The following MAPK8IP3 variants were observed in gnomAD, a reference collection of about 807,000 sequenced individuals.
MAPK8IP3 encodes C-Jun-amino-terminal kinase-interacting protein 3.
Under a neutral mutation model 157.8 loss-of-function variants are expected in MAPK8IP3, and 49 were observed. The ratio of observed to expected loss-of-function variants is 0.31; its 90% CI spans 0.25 to 0.39. The LOEUF is 0.39. Ranked by LOEUF, MAPK8IP3 falls within the 10% of genes least tolerant of loss-of-function variation. The pLI is 1.00. For missense variants in MAPK8IP3, 1,478 were observed against 1,889.4 expected (o/e 0.78, Z 4.04); for synonymous variants, 897 against 777.7 (o/e 1.15, Z -2.55).
chr16:1,747,329 G>A lies in MAPK8IP3; in HGVS notation c.994+54G>A, dbSNP rs1056952029. On this transcript the variant is annotated intron_variant, in intron 6 of 31. Coordinates refer to ENST00000610761, the MANE Select transcript of MAPK8IP3 (RefSeq NM_001318852.2). ...TCCCTCGGGCAGGAGGCAGGGCTTG[G>A]TTTGGGTAGATGTGAAACTAATGCA... 6.9e-6 allele frequency: 11 copies of A among 1,590,742 alleles called. No individual in the cohort carries two copies. In the African/African-American group the frequency reaches 1.5e-4, roughly 21 times the overall value.
chr16:1,766,226 T>A lies in MAPK8IP3; in HGVS notation c.2636T>A (p.Val879Glu), dbSNP rs895550678. The A allele has an allele frequency of 6.2e-7, 1 of 1,607,878 alleles. No individual in the cohort carries two copies. The highest frequency in any genetic ancestry group is 2.2e-5 in the East Asian group (1 of 44,738). The change falls in exon 22 of 32, where the codon GTG becomes GAG. Residue 879 changes from valine (V) to glutamate (E), a missense_variant. Val to Glu is a moderately radical substitution (Grantham distance 121). Coordinates refer to ENST00000610761, the MANE Select transcript of MAPK8IP3 (RefSeq NM_001318852.2). The part of the protein sequence containing the change: ...TPVLDKGQGE[V>E]ATIANGKVNP... Reference sequence around the variant, plus strand: ...CTCACCTCTCCTAACACAGGGGAGGTGGCCACCATCGCCAACGGGAAGGTC... The same window carrying A: ...CTCACCTCTCCTAACACAGGGGAGGAGGCCACCATCGCCAACGGGAAGGTC...
Position 1,723,712 on chromosome 16 carries a change from C to G in MAPK8IP3, c.319-845C>G, listed in dbSNP as rs575990598. Among the ~76,000 whole-genome samples, 11 of 152,302 alleles carry G rather than the reference C, an allele frequency of 7.2e-5. No individual in the cohort carries two copies. The South Asian group carries it at 2.1e-3, about 29-fold the overall frequency. On this transcript the variant is annotated intron_variant, in intron 1 of 31. Coordinates refer to ENST00000610761, the MANE Select transcript of MAPK8IP3 (RefSeq NM_001318852.2). ...TGATAATATTCCCCAGTTTTCTACTCTGTAAAAATGAGGTGTTAACAGCTC... is the reference window on the plus strand; with the variant it reads ...TGATAATATTCCCCAGTTTTCTACTGTGTAAAAATGAGGTGTTAACAGCTC...
rs1027549646 is a variant in MAPK8IP3, at chr16:1,742,966, C to CA, written c.603-357dup. ...TGAAACCCCGTCTCTACTAAAAATACAAAAAAAAATTAGCCAGGCGTGGGA... is the reference window on the plus strand; with the variant it reads ...TGAAACCCCGTCTCTACTAAAAATACAAAAAAAAAATTAGCCAGGCGTGGGA... On this transcript the variant is annotated intron_variant, in intron 4 of 31. Transcript: ENST00000610761. This position sits in a 1 kb window ranked among gnomAD's most constrained non-coding sequence, Gnocchi z 5.0. Among the ~76,000 whole-genome samples, 10 of 150,884 alleles carry CA rather than the reference C, an allele frequency of 6.6e-5. No individual in the cohort carries two copies. Among genetic ancestry groups the CA allele is most frequent in the Non-Finnish European group, 1.2e-4 (8 of 67,610 alleles).
intron 19 of MAPK8IP3, 55 bp from the exon 20 acceptor site, chr16:1,764,958 G>A (rs1192568343): frequency 1.3e-6 from 2 of 1,553,374 alleles, no homozygotes; most frequent in Non-Finnish European, 8.8e-7. Context: ...GCCCTGTGCT[G>A]CCACCGGGTA....
At chr16:1,763,587 G>A in intron 16 of MAPK8IP3, 70 bp from the exon 17 acceptor site, 1 of 1,413,864 alleles carries the variant, frequency 7.1e-7, no homozygotes. Context: ...ACCTCCCCCA[G>A]GACAAGCCTG....
rs1228553993 is a variant in MAPK8IP3, at chr16:1,767,552, A to G, written c.3238-12A>G. On this transcript the variant is annotated splice_polypyrimidine_tract_variant and intron_variant, in intron 26 of 31. Coordinates refer to ENST00000610761, the MANE Select transcript of MAPK8IP3 (RefSeq NM_001318852.2). Reference sequence around the variant, plus strand: ...TCCCCAGCCCTGTTGATGGGCAGCCATGACTCCACAGAAGTCATTTGACGC... The same window carrying G: ...TCCCCAGCCCTGTTGATGGGCAGCCGTGACTCCACAGAAGTCATTTGACGC... The G allele has an allele frequency of 6.2e-7, 1 of 1,608,832 alleles. No homozygotes were observed. The highest frequency in any genetic ancestry group is 8.5e-7 in the Non-Finnish European group (1 of 1,177,654).
At chr16:1,738,118 G>A (rs1261809289) in intron 4 of MAPK8IP3, among the ~76,000 whole-genome samples, 1 of 99,568 alleles carries the variant, frequency 1.0e-5, no homozygotes, top group African/African-American at 4.6e-5. Flanking sequence ...GACCGTCCGT[G>A]TGAGCGTGAC....
In MAPK8IP3 at chr16:1,706,287, G is replaced by C. The variant is rs1215483396; in HGVS notation, c.-53G>C. ...TGCGGAACCTGAGGCAGCTGGGGAG[G>C]GCCGGGCGCGCCGGCCGGATAGCGA... On this transcript the variant is annotated 5_prime_UTR_variant, in exon 1 of 32. Coordinates refer to ENST00000610761, the MANE Select transcript of MAPK8IP3 (RefSeq NM_001318852.2). The surrounding 1 kb of genome is among the most constrained non-coding windows in gnomAD (Gnocchi z 5.1). The C allele has an allele frequency of 4.9e-5, 73 of 1,475,688 alleles. No individual in the cohort carries two copies. The highest frequency in any genetic ancestry group is 6.6e-5 in the Non-Finnish European group (73 of 1,112,460). 91.4% of individuals were successfully genotyped at this position (1,475,688 alleles called of 1,614,324 possible).
At chr16:1,746,411 T>C (rs2040964455) in intron 5 of MAPK8IP3, 1 of 152,254 alleles carries the variant, frequency 6.6e-6, no homozygotes, top group African/African-American at 2.4e-5. Flanking sequence ...CTTGGTGGCG[T>C]CCCTTTCTGT....
chr16:1,737,476 G>A (rs530927105), intron 4 of MAPK8IP3, among the ~76,000 whole-genome samples: 10 of 94,844 alleles, frequency 1.1e-4, no homozygotes, highest in Middle Eastern at 7.8e-3. Flanking sequence ...GTGAGCATCT[G>A]TGTGACCGTC....
rs368054862 is a variant in MAPK8IP3 at position 1,768,818 on chromosome 16, C to T, written c.4008C>T (p.Pro1336=). 41 of 1,612,118 alleles carry T rather than the reference C, an allele frequency of 2.5e-5. No individual in the cohort carries two copies. Among genetic ancestry groups the T allele is most frequent in the African/African-American group, 9.3e-5 (7 of 74,902 alleles). Residue 1336 remains proline, a synonymous_variant, in exon 32 of 32, where the codon CCC becomes CCT. Coordinates refer to ENST00000610761, the MANE Select transcript of MAPK8IP3 (RefSeq NM_001318852.2). Reference sequence around the variant, plus strand: ...TCGTGTGGCAGGTGTCCTACACCCCCGAGTGAAGCTGCTGCCCTGCCTGGC... The same window carrying T: ...TCGTGTGGCAGGTGTCCTACACCCCTGAGTGAAGCTGCTGCCCTGCCTGGC... The part of the protein sequence containing the change: ...HIIVWQVSYT[P]E
intron 1 of MAPK8IP3, chr16:1,707,414 A>C (rs977223657): frequency 6.6e-6 from 1 of 152,284 alleles, no homozygotes; most frequent in Non-Finnish European, 1.5e-5. Flanking sequence ...TGATGTAGCC[A>C]GGGCTGAGAA....
In MAPK8IP3 at chr16:1,751,310, T is replaced by G. The variant is rs1294182452; in HGVS notation, c.1216+2590T>G. Reference sequence around the variant, plus strand: ...TCTCTACTAAAAATACAAAAAGAAATTAGCTGGGCCTGGTGGCGGGCACCT... The same window carrying G: ...TCTCTACTAAAAATACAAAAAGAAAGTAGCTGGGCCTGGTGGCGGGCACCT... On this transcript the variant is annotated intron_variant, in intron 8 of 31. Coordinates refer to ENST00000610761, the MANE Select transcript of MAPK8IP3 (RefSeq NM_001318852.2). This position sits in a 1 kb window ranked among gnomAD's most constrained non-coding sequence, Gnocchi z 5.0. Among the ~76,000 whole-genome samples the G allele has an allele frequency of 1.3e-5, 2 of 152,062 alleles. No individual in the cohort carries two copies. Among genetic ancestry groups the G allele is most frequent in the East Asian group, 3.9e-4 (2 of 5,150 alleles).
Position 1,766,888 on chromosome 16 carries a change from C to T in MAPK8IP3, c.3021-16C>T, listed in dbSNP as rs370409780. The T allele has an allele frequency of 3.7e-5, 59 of 1,606,188 alleles. No homozygotes were observed. The highest frequency in any genetic ancestry group is 4.4e-5 in the Non-Finnish European group (52 of 1,175,676). ...ACAGCCTGGCCCAAACCAGGCTCAC[C>T]GCATTCCTGTTTCAGGCATGTCAAA... On this transcript the variant is annotated splice_polypyrimidine_tract_variant and intron_variant, in intron 24 of 31. Transcript: ENST00000610761.
chr16:1,734,225 C>T (rs1007434746), intron 4 of MAPK8IP3, among the ~76,000 whole-genome samples: 4 of 152,248 alleles, frequency 2.6e-5, no homozygotes, highest in Non-Finnish European at 4.4e-5. Context: ...CTGGGGCTGG[C>T]GGCCCTGTCT....
At chr16:1,721,735 C>T (rs1344123169) in intron 1 of MAPK8IP3, among the ~76,000 whole-genome samples, 2 of 152,040 alleles carry the variant, frequency 1.3e-5, no homozygotes, top group Non-Finnish European at 2.9e-5. Flanking sequence ...GCCACCGCTC[C>T]GGGCCTATAA....
intron 1 of MAPK8IP3, among the ~76,000 whole-genome samples, chr16:1,719,147 T>C (rs918572981): frequency 6.6e-6 from 1 of 152,100 alleles, no homozygotes; most frequent in African/African-American, 2.4e-5. Flanking sequence ...CTAATTATTT[T>C]TTGTAGAGGT....
chr16:1,755,907 A>G (rs958998774), intron 8 of MAPK8IP3, among the ~76,000 whole-genome samples: 5 of 152,152 alleles, frequency 3.3e-5, no homozygotes, highest in Non-Finnish European at 5.9e-5. Flanking sequence ...TAAACATCTG[A>G]AAAGATGCTC....
In MAPK8IP3 at chr16:1,763,729, C is replaced by T. The variant is rs1439118385; in HGVS notation, c.1971C>T (p.Asn657=). The T allele has an allele frequency of 2.5e-6, 4 of 1,594,300 alleles. No individual in the cohort carries two copies. Among genetic ancestry groups the T allele is most frequent in the Admixed American group, 1.7e-5 (1 of 58,450 alleles). The change falls in exon 17 of 32, where the codon AAC becomes AAT. Residue 657 remains asparagine, a synonymous_variant. Transcript: ENST00000610761. The part of the protein sequence containing the change: ...QYRQVREHVR[N]DDGRLQACGW... ...GCCAGGTGCGTGAGCACGTGCGTAA[C>T]GACGACGGCCGTCTGCAGGCCTGCG...
Sources: allele counts gnomAD v4.1 joint callset (sites outside exome capture counted in the v4.1 genomes callset), GRCh38; gene constraint gnomAD v4.1.1; non-coding constraint Gnocchi (gnomAD v3.1); transcripts MANE v1.5; gene names NCBI Gene and HGNC (gene_info 2026-07-23, HGNC 2026-07-21).